CLUAP1: variants seen among roughly 807,000 people sequenced by gnomAD.
CLUAP1 encodes intraflagellar transport 38.
A neutral mutation model predicts 55.0 loss-of-function variants in CLUAP1; 50 were observed. That is an observed-to-expected ratio of 0.91 (90% CI 0.72 to 1.15). The LOEUF is 1.15. CLUAP1 is among the 50% of genes most tolerant of loss of function. CLUAP1 has a pLI of 0.00. For missense variants in CLUAP1, 530 were observed against 507.6 expected (o/e 1.04, Z -0.42); for synonymous variants, 195 against 175.4 (o/e 1.11, Z -0.88).
intron 9 of CLUAP1, among the ~76,000 whole-genome samples, chr16:3,529,805 T>C (rs889114658): frequency 3.7e-5 from 1 of 27,102 alleles, no homozygotes; most frequent in Admixed American, 7.2e-4. Context: ...TATATTATTA[T>C]ATATATATTA....
At chr16:3,512,869 A>G (rs975471234) in intron 5 of CLUAP1, among the ~76,000 whole-genome samples, 1 of 152,158 alleles carries the variant, frequency 6.6e-6, no homozygotes, top group African/African-American at 2.4e-5. Flanking sequence ...TTTAGTAGAG[A>G]CAGGGTTTCA....
intron 11 of CLUAP1, chr16:3,533,094 C>T (rs1415029092): frequency 6.5e-7 from 1 of 1,536,112 alleles, no homozygotes; most frequent in South Asian, 1.2e-5. Context: ...TCTCGCTTTC[C>T]AAAGATGGAA....
chr16:3,511,749 C>G (rs1002859253), intron 4 of CLUAP1, among the ~76,000 whole-genome samples: 2 of 152,182 alleles, frequency 1.3e-5, no homozygotes, highest in South Asian at 4.1e-4. Flanking sequence ...TGGAATTGGT[C>G]TCTTTAGTAC....
upstream of CLUAP1, among the ~76,000 whole-genome samples, chr16:3,497,043 G>GT (rs1287548698): frequency 3.3e-5 from 5 of 151,850 alleles, no homozygotes; most frequent in Non-Finnish European, 7.4e-5. Flanking sequence ...ACGGATCTTT[G>GT]TATTTTTAGT....
At chr16:3,512,889 C>T (rs1268288027) in intron 5 of CLUAP1, among the ~76,000 whole-genome samples, 2 of 152,084 alleles carry the variant, frequency 1.3e-5, no homozygotes, top group African/African-American at 4.8e-5. Context: ...ACCGTGTTAG[C>T]CAGGATGGTC....
upstream of CLUAP1, chr16:3,496,420 T>C: frequency 2.0e-6 from 2 of 1,018,718 alleles, no homozygotes; most frequent in Non-Finnish European, 1.5e-6. Context: ...AGATGAAGCT[T>C]CCTGGCTGGG....
At chr16:3,495,736 C>T in the CLUAP1 span, among the ~76,000 whole-genome samples, 1 of 152,166 alleles carries the variant, frequency 6.6e-6, no homozygotes. Context: ...TCTCTTGGGG[C>T]CAGCTTCCTC....
intron 7 of CLUAP1, among the ~76,000 whole-genome samples, chr16:3,522,185 A>T (rs1194362643): frequency 1.3e-5 from 2 of 152,062 alleles, no homozygotes; most frequent in Non-Finnish European, 2.9e-5. Flanking sequence ...TTCTTTTGAG[A>T]TGGAGTCTCT....
At position 3,536,849 on chromosome 16, in the gene CLUAP1, C is replaced by T. The variant is rs2038242067; in HGVS notation, c.*578C>T. 6.6e-6 allele frequency: 1 copy of T among 152,196 alleles called. No homozygotes were observed. The highest frequency in any genetic ancestry group is 6.5e-5 in the Admixed American group (1 of 15,270). The allele number at this position is 152,196 out of a possible 1,614,324, so 9.4% of individuals were successfully genotyped here. A position where few individuals can be genotyped will look rare whatever the true frequency, so the allele number is the denominator to read the frequency against. ...CTAAACTTTTCTGAAAGAAGGTTAG[C>T]TAAAGTTAAATGAAAACTTGGTTTC... On this transcript the variant is annotated 3_prime_UTR_variant, in exon 12 of 12. Transcript: ENST00000576634.
At chr16:3,497,407 A>G (rs1021411361), upstream of CLUAP1, among the ~76,000 whole-genome samples, 7 of 152,214 alleles carry the variant, frequency 4.6e-5, no homozygotes, top group African/African-American at 1.4e-4. Flanking sequence ...TTGCTGAGAG[A>G]ATCTAAAGAC....
At chr16:3,508,994 C>A (rs2037564255) in intron 4 of CLUAP1, among the ~76,000 whole-genome samples, 1 of 151,756 alleles carries the variant, frequency 6.6e-6, no homozygotes. Context: ...CAGTGACTCA[C>A]TCCTGTAAGC....
At chr16:3,515,973 T>G (rs960339353) in intron 6 of CLUAP1, among the ~76,000 whole-genome samples, 1 of 152,236 alleles carries the variant, frequency 6.6e-6, no homozygotes, top group African/African-American at 2.4e-5. Context: ...ATCACTATTG[T>G]TTACTGCTCG....
At chr16:3,518,917 C>T (rs931168536) in intron 6 of CLUAP1, among the ~76,000 whole-genome samples, 3 of 152,170 alleles carry the variant, frequency 2.0e-5, no homozygotes, top group Admixed American at 6.5e-5. Context: ...GTAACCCCTT[C>T]GTGGGATGCT....
chr16:3,515,431 C>A, intron 5 of CLUAP1, 77 bp from the exon 6 acceptor site: 1 of 1,000,126 alleles, frequency 1.0e-6, no homozygotes, highest in African/African-American at 1.7e-5. Flanking sequence ...GTCTATAAGG[C>A]ACATCTAGAT....
At chr16:3,535,005 G>A (rs1362706739) in intron 11 of CLUAP1, 3 of 152,566 alleles carry the variant, frequency 2.0e-5, no homozygotes, top group African/African-American at 7.2e-5. Context: ...GCGACCCAAG[G>A]TCCTGAGCTG....
chr16:3,512,781 C>T (rs578201187), intron 5 of CLUAP1, among the ~76,000 whole-genome samples: 16 of 152,098 alleles, frequency 1.1e-4, no homozygotes, highest in South Asian at 6.2e-4. Flanking sequence ...CCCAGGTTCA[C>T]GCCATTCTCC....
Position 3,530,669 on chromosome 16 carries a change from A to T in CLUAP1, c.1030A>T (p.Met344Leu). ...GCCACAGACAGCCATGGAGATGCTCATGCAAGGTACCCCGGCGTCTTTCGC... is the reference window on the plus strand; with the variant it reads ...GCCACAGACAGCCATGGAGATGCTCTTGCAAGGTACCCCGGCGTCTTTCGC... ...PKPQTAMEML[M>L]QGRPGKRIVG... The change falls in exon 10 of 12, where the codon ATG (methionine) becomes TTG (leucine). Residue 344 changes from methionine to leucine, a missense_variant. Physicochemically the swap from Met to Leu is conservative, Grantham distance 15 (BLOSUM62 2). Coordinates refer to ENST00000576634, the MANE Select transcript of CLUAP1 (RefSeq NM_015041.3). 1 of 1,607,752 alleles carries T rather than the reference A, an allele frequency of 6.2e-7. No homozygotes were observed. The highest frequency in any genetic ancestry group is 8.5e-7 in the Non-Finnish European group (1 of 1,174,510).
intron 11 of CLUAP1, chr16:3,533,113 A>G (rs2038161939): frequency 6.5e-7 from 1 of 1,535,980 alleles, no homozygotes. Context: ...AAGCAGCACC[A>G]GCTCTCTTAG....
At chr16:3,533,293 C>G (rs1157538241) in intron 11 of CLUAP1, 2 of 696,822 alleles carry the variant, frequency 2.9e-6, no homozygotes, top group African/African-American at 1.8e-5. Flanking sequence ...GTGGTGACAG[C>G]GGGATCACTG....
Sources: gnomAD v4.1 joint callset for allele counts (sites outside exome capture counted in the v4.1 genomes callset) on GRCh38, gnomAD v4.1.1 for gene constraint, MANE v1.5 for transcripts, NCBI Gene and HGNC (gene_info 2026-07-23, HGNC 2026-07-21) for gene names.